PRC1: variants seen among roughly 807,000 people sequenced by gnomAD.
The protein encoded by PRC1 is protein regulator of cytokinesis 1, also known as anaphase spindle elongation 1 homolog.
PRC1 carries 54 observed loss-of-function variants against 91.2 expected under a neutral mutation model. That is an observed-to-expected ratio of 0.59 (90% CI 0.48 to 0.74). The LOEUF (loss-of-function observed/expected upper bound fraction) is 0.74. PRC1 is among the 30% of genes least tolerant of loss of function. The pLI is 0.00. For missense variants in PRC1, 727 were observed against 746.2 expected (o/e 0.97, Z 0.30); for synonymous variants, 275 against 263.6 (o/e 1.04, Z -0.42).
intron 14 of PRC1, chr15:90,968,498 T>A (rs1354311522): frequency 2.0e-6 from 2 of 986,592 alleles, no homozygotes; most frequent in Non-Finnish European, 2.4e-6. Flanking sequence ...GCAGTGTAGT[T>A]AGGTGTTAGC....
At position 90,967,034 on chromosome 15, in the gene PRC1, A is replaced by T; in HGVS notation, c.*97T>A. 1 of 1,095,228 alleles carries T rather than the reference A, an allele frequency of 9.1e-7. No individual in the cohort carries two copies. Among genetic ancestry groups the T allele is most frequent in the Non-Finnish European group, 1.4e-6 (1 of 726,692 alleles). The allele number at this position is 1,095,228 out of a possible 1,614,324, so 67.8% of individuals were successfully genotyped here. ...GGTCATGGAACCTGGCCAAGGTTTC[A>T]AGCACGCCTAAGCTGAAGAAAAACT... On this transcript the variant is annotated 3_prime_UTR_variant, in exon 15 of 15. Coordinates refer to ENST00000394249, the MANE Select transcript of PRC1 (RefSeq NM_003981.4).
chr15:90,994,368 C>G, intron 1 of PRC1, 39 bp downstream of exon 1: 1 of 1,612,176 alleles, frequency 6.2e-7, no homozygotes. Context: ...ACGAGCGTCG[C>G]TCCCTCCCGC....
At chr15:90,967,315 A>G in intron 14 of PRC1, 113 bp from the exon 15 acceptor site, 1 of 825,710 alleles carries the variant, frequency 1.2e-6, no homozygotes, top group Non-Finnish European at 2.0e-6. Flanking sequence ...TTTCTCTGAG[A>G]TCCCTAGCCT....
In PRC1 at chr15:90,966,213, G is replaced by A. The variant is rs183744452; in HGVS notation, c.*918C>T. 39 of 194,698 alleles carry A rather than the reference G, an allele frequency of 2.0e-4. No individual in the cohort carries two copies. The highest frequency in any genetic ancestry group is 1.1e-3 in the Admixed American group (20 of 17,910). 12.1% of individuals were successfully genotyped at this position (194,698 alleles called of 1,614,324 possible). On this transcript the variant is annotated 3_prime_UTR_variant, in exon 15 of 15. Coordinates refer to ENST00000394249, the MANE Select transcript of PRC1 (RefSeq NM_003981.4). ...AGTAGTACTGCTGCAGGCAGACAGC[G>A]GAAGAATAAATAATAGTGCTTCAAG... is the stretch of plus-strand genomic sequence containing the variant.
chr15:90,967,353 TGAG>T, intron 14 of PRC1, 151 bp from the exon 15 acceptor site: 2 of 639,572 alleles, frequency 3.1e-6, no homozygotes, highest in East Asian at 2.7e-5. Flanking sequence ...GAGTAAAAGG[TGAG>T]GAACTCTGAG....
In PRC1 at chr15:90,974,714, C is replaced by G; in HGVS notation, c.1221G>C (p.Lys407Asn). ...CCTGTTCCCACAATTCAATTCGTGC[C>G]TTCAACTCTTCTTCCAGCTGAGACC... ...KMLPKLEEEL[K>N]ARIELWEQEH... Residue 407 changes from lysine to asparagine, a missense_variant, in exon 10 of 15, where the codon AAG (lysine) becomes AAC (asparagine). Lys to Asn is a moderately conservative substitution (Grantham distance 94, BLOSUM62 0). Coordinates refer to ENST00000394249, the MANE Select transcript of PRC1 (RefSeq NM_003981.4). The surrounding 1 kb of genome is among the most constrained non-coding windows in gnomAD (Gnocchi z 4.6). The G allele has an allele frequency of 6.2e-7, 1 of 1,614,216 alleles. No individual in the cohort carries two copies. Among genetic ancestry groups the G allele is most frequent in the South Asian group, 1.1e-5 (1 of 91,082 alleles).
chr15:90,967,072 A>C lies in PRC1; in HGVS notation c.*59T>G. 6.8e-7 allele frequency: 1 copy of C among 1,479,064 alleles called. No homozygotes were observed. The highest frequency in any genetic ancestry group is 9.4e-7 in the Non-Finnish European group (1 of 1,059,908). 91.6% of individuals were successfully genotyped at this position (1,479,064 alleles called of 1,614,324 possible). ...CTGAAGAAAAACTAAAGTCACCCCCATATAATTAGGTCCAGTCTAGGCACA... is the reference window on the plus strand; with the variant it reads ...CTGAAGAAAAACTAAAGTCACCCCCCTATAATTAGGTCCAGTCTAGGCACA... On this transcript the variant is annotated 3_prime_UTR_variant, in exon 15 of 15. Transcript: ENST00000394249.
At chr15:90,969,159 C>T (rs373707078) in intron 13 of PRC1, 39 bp from the exon 14 acceptor site, 1 of 1,580,298 alleles carries the variant, frequency 6.3e-7, no homozygotes, top group African/African-American at 1.3e-5. Context: ...AAGAACTCCA[C>T]CAAGAGAGCA....
rs138971118 is a variant in PRC1 at position 90,970,423 on chromosome 15, A to C, written c.1553T>G (p.Leu518Arg). 4 of 1,609,520 alleles carry C rather than the reference A, an allele frequency of 2.5e-6. No individual in the cohort carries two copies. In the African/African-American group the frequency reaches 4.0e-5, roughly 16 times the overall value. Reference protein sequence around the residue: ...GTVYHSPVSRLPPSGSKPVAA... With the variant: ...GTVYHSPVSRRPPSGSKPVAA... ...ACTAACCTTGCTGCCAGAAGGAGGA[A>C]GTCGAGACACGGGGGAGTGGTAGAC... is the stretch of plus-strand genomic sequence containing the variant. Residue 518 changes from leucine to arginine, a missense_variant, in exon 12 of 15, where the codon CTT (leucine) becomes CGT (arginine). Coordinates refer to ENST00000394249, the MANE Select transcript of PRC1 (RefSeq NM_003981.4).
chr15:90,981,731 A>G lies in PRC1; in HGVS notation c.501+17T>C, dbSNP rs1176376422. The stretch of plus-strand genomic sequence containing the variant: ...AACCAAAGTGACTTTTAGGAAGAAC[A>G]AATGTAGGCAGTGTACCTTTGTTTC... On this transcript the variant is annotated intron_variant, in intron 4 of 14. Transcript: ENST00000394249. 4 of 1,608,492 alleles carry G rather than the reference A, an allele frequency of 2.5e-6. No individual in the cohort carries two copies. The African/African-American group carries it at 5.4e-5, about 22-fold the overall frequency.
In PRC1 at chr15:90,979,806, C is replaced by T. The variant is rs6496742; in HGVS notation, c.970+436G>A. Among the ~76,000 whole-genome samples, 59,655 of 152,016 alleles carry T rather than the reference C, an allele frequency of 0.39. 14,141 individuals carry two copies. Among genetic ancestry groups the T allele is most frequent in the African/African-American group, 0.66 (27,139 of 41,420 alleles). On this transcript the variant is annotated intron_variant, in intron 7 of 14. Coordinates refer to ENST00000394249, the MANE Select transcript of PRC1 (RefSeq NM_003981.4). ...CAGCATTTATGTGCTTTAGTATCCT[C>T]ACCTCTTGACATGAGGATGTGAAAT...
chr15:90,983,924 G>C (rs1011586836), intron 3 of PRC1, 94 bp downstream of exon 3: 2 of 1,492,220 alleles, frequency 1.3e-6, no homozygotes, highest in Admixed American at 1.9e-5. Context: ...CCATCCCTAC[G>C]AGGAAGCCTT....
chr15:90,983,200 G>C (rs2039340937), intron 3 of PRC1, among the ~76,000 whole-genome samples: 1 of 152,120 alleles, frequency 6.6e-6, no homozygotes, highest in Admixed American at 6.5e-5. Flanking sequence ...TACCAAGTAT[G>C]AATTATCCTT....
intron 8 of PRC1, among the ~76,000 whole-genome samples, chr15:90,977,582 T>G (rs2038835883): frequency 7.0e-6 from 1 of 142,688 alleles, no homozygotes. Context: ...TTACGTTTTT[T>G]TTTTTTTTTT....
intron 9 of PRC1, among the ~76,000 whole-genome samples, chr15:90,975,209 G>A (rs1041521848): frequency 6.6e-6 from 1 of 152,168 alleles, no homozygotes; most frequent in Non-Finnish European, 1.5e-5. Flanking sequence ...GGGTTCAAGC[G>A]ATTCTTGTGC....
At chr15:90,978,104 T>G (rs779960415) in intron 8 of PRC1, among the ~76,000 whole-genome samples, 2 of 152,212 alleles carry the variant, frequency 1.3e-5, no homozygotes, top group Non-Finnish European at 2.9e-5. Flanking sequence ...CAAGGTCTCC[T>G]TCCATCTGTG....
At position 90,966,466 on chromosome 15, in the gene PRC1, G is replaced by A. The variant is rs768415520; in HGVS notation, c.*665C>T. The stretch of plus-strand genomic sequence containing the variant: ...AGATGAGAGCCAAGGGACAAACGCC[G>A]AGAAAGCGTTCCGACAAGCATGTGT... On this transcript the variant is annotated 3_prime_UTR_variant, in exon 15 of 15. Transcript: ENST00000394249. 7.5e-6 allele frequency: 3 copies of A among 397,468 alleles called. No homozygotes were observed. Among genetic ancestry groups the A allele is most frequent in the South Asian group, 5.4e-5 (3 of 56,072 alleles). 24.6% of individuals were successfully genotyped at this position (397,468 alleles called of 1,614,324 possible).
chr15:90,984,202 A>G lies in PRC1; in HGVS notation c.145-62T>C. ...TGGAGGAAAAAAACTCCCAACACCA[A>G]TACCAAACTCCTCAAATTTCTTTTT... On this transcript the variant is annotated intron_variant, in intron 2 of 14. Coordinates refer to ENST00000394249, the MANE Select transcript of PRC1 (RefSeq NM_003981.4). This position sits in a 1 kb window ranked among gnomAD's most constrained non-coding sequence, Gnocchi z 5.1. 6.4e-7 allele frequency: 1 copy of G among 1,566,314 alleles called. No individual in the cohort carries two copies.
chr15:90,983,780 T>C, intron 3 of PRC1: 1 of 377,580 alleles, frequency 2.6e-6, no homozygotes, highest in South Asian at 8.1e-5. Flanking sequence ...AAAACTATGG[T>C]AAGCAGCAGC....
Sources: allele counts gnomAD v4.1 joint callset (sites outside exome capture counted in the v4.1 genomes callset), GRCh38; gene constraint gnomAD v4.1.1; non-coding constraint Gnocchi (gnomAD v3.1); transcripts MANE v1.5; gene names NCBI Gene and HGNC (gene_info 2026-07-23, HGNC 2026-07-21).